RTL4: variants seen among roughly 807,000 people sequenced by gnomAD.
RTL4 encodes retrotransposon Gag-like protein 4.
RTL4 carries 4 observed loss-of-function variants against 5.3 expected under a neutral mutation model. The ratio of observed to expected loss-of-function variants is 0.75; its 90% CI spans 0.37 to 1.72. The LOEUF is 1.72. RTL4 is among the 40% of genes most tolerant of loss of function. RTL4 has a pLI of 0.04. For missense variants in RTL4, 260 were observed against 227.1 expected (o/e 1.14, Z -0.93); for synonymous variants, 98 against 87.3 (o/e 1.12, Z -0.68).
the RTL4 span, among the ~76,000 whole-genome samples, chrX:112,239,170 C>T: frequency 3.6e-5 from 4 of 111,168 alleles, no homozygotes; most frequent in African/African-American, 1.3e-4. Flanking sequence ...TTGGTTTCCT[C>T]CCTGGCCTAG....
At chrX:112,166,035 C>G in the RTL4 span, among the ~76,000 whole-genome samples, 2 of 112,212 alleles carry the variant, frequency 1.8e-5, no homozygotes. Context: ...CCTCCTCCAT[C>G]CAAAGGATCA....
At chrX:112,152,913 T>C in the RTL4 span, among the ~76,000 whole-genome samples, 5 of 111,661 alleles carry the variant, frequency 4.5e-5, no homozygotes, top group Non-Finnish European at 9.4e-5. Flanking sequence ...CATATCTCCA[T>C]AGGTTCTTAA....
chrX:112,272,944 C>G, the RTL4 span, among the ~76,000 whole-genome samples: 2 of 110,973 alleles, frequency 1.8e-5, no homozygotes, highest in Non-Finnish European at 3.8e-5. Context: ...AGCTATATAC[C>G]AAGGTGAAAT....
chrX:112,392,233 C>G, the RTL4 span, among the ~76,000 whole-genome samples: 1 of 112,235 alleles, frequency 8.9e-6, no homozygotes, highest in African/African-American at 3.2e-5. Context: ...GGCTCCATAG[C>G]TCTGGTGGAT....
At chrX:112,249,796 G>T in the RTL4 span, among the ~76,000 whole-genome samples, 1,226 of 106,295 alleles carry the variant, frequency 0.012, 9 homozygotes, top group African/African-American at 0.019. Context: ...TATATATAGA[G>T]AGAGAGAGAG....
At chrX:112,205,606 TACACAC>T in the RTL4 span, among the ~76,000 whole-genome samples, 158 of 107,635 alleles carry the variant, frequency 1.5e-3, no homozygotes, top group Non-Finnish European at 2.5e-3. Flanking sequence ...CGTGTGCATG[TACACAC>T]ACACACACAC....
At chrX:112,343,078 C>A in the RTL4 span, among the ~76,000 whole-genome samples, 1 of 111,628 alleles carries the variant, frequency 9.0e-6, no homozygotes, top group South Asian at 3.8e-4. Context: ...CCACTGCACT[C>A]CAGCGTGAGA....
At chrX:112,184,292 G>A in the RTL4 span, among the ~76,000 whole-genome samples, 5 of 110,289 alleles carry the variant, frequency 4.5e-5, no homozygotes, top group East Asian at 1.4e-3. Flanking sequence ...CATGGCACAT[G>A]TATACATATG....
At chrX:112,371,459 C>A in the RTL4 span, among the ~76,000 whole-genome samples, 86 of 111,322 alleles carry the variant, frequency 7.7e-4, no homozygotes, top group African/African-American at 2.7e-3. Context: ...CTAAGTTCTG[C>A]ATTTACTGGT....
At chrX:112,420,113 T>C in the RTL4 span, among the ~76,000 whole-genome samples, 4 of 111,204 alleles carry the variant, frequency 3.6e-5, no homozygotes, top group Non-Finnish European at 7.5e-5. Flanking sequence ...AACCCTGTTA[T>C]ATCTTCTTCC....
chrX:112,424,359 C>A, the RTL4 span, among the ~76,000 whole-genome samples: 1 of 111,591 alleles, frequency 9.0e-6, no homozygotes, highest in Non-Finnish European at 1.9e-5. Context: ...ATCTGATTAA[C>A]CTTCTGGACT....
chrX:112,204,687 T>A, the RTL4 span, among the ~76,000 whole-genome samples: 2,471 of 110,937 alleles, frequency 0.022, 69 homozygotes, highest in African/African-American at 0.077. Flanking sequence ...TAGTGAGGGG[T>A]TGCAAGGGAG....
the RTL4 span, among the ~76,000 whole-genome samples, chrX:112,236,436 T>G: frequency 2.5e-5 from 2 of 78,953 alleles, no homozygotes; most frequent in African/African-American, 1.1e-4. Context: ...TAGATATAGA[T>G]CTATATCTAT....
the RTL4 span, among the ~76,000 whole-genome samples, chrX:112,407,779 C>A: frequency 8.9e-6 from 1 of 112,770 alleles, no homozygotes; most frequent in Non-Finnish European, 1.9e-5. Flanking sequence ...TGTTACTCTA[C>A]CCCCAGCTCC....
the RTL4 span, among the ~76,000 whole-genome samples, chrX:112,310,764 ATAT>A: frequency 1.3e-5 from 1 of 79,494 alleles, no homozygotes; most frequent in African/African-American, 5.1e-5. Context: ...ATATATTTCA[ATAT>A]TATATATAAT....
the RTL4 span, among the ~76,000 whole-genome samples, chrX:112,132,333 T>C: frequency 9.0e-6 from 1 of 111,042 alleles, no homozygotes; most frequent in African/African-American, 3.3e-5. Context: ...TGCCATATCC[T>C]CAGTTTTCCC....
At chrX:112,097,560 T>C in the RTL4 span, among the ~76,000 whole-genome samples, 3 of 111,427 alleles carry the variant, frequency 2.7e-5, no homozygotes, top group Admixed American at 9.5e-5. Context: ...TGCTTGAGCC[T>C]GTCAGGTAGA....
chrX:112,238,426 A>G, the RTL4 span, among the ~76,000 whole-genome samples: 1 of 111,460 alleles, frequency 9.0e-6, no homozygotes, highest in Non-Finnish European at 1.9e-5. Flanking sequence ...CTTATGTTCC[A>G]TCTTAAAACT....
the RTL4 span, among the ~76,000 whole-genome samples, chrX:112,430,032 T>A: frequency 1.8e-5 from 2 of 111,577 alleles, no homozygotes; most frequent in East Asian, 5.6e-4. Flanking sequence ...TTTTCTGGCG[T>A]TTATCATGCT....
Sources: allele counts gnomAD v4.1 joint callset (sites outside exome capture counted in the v4.1 genomes callset), GRCh38; gene constraint gnomAD v4.1.1; transcripts MANE v1.5; gene names NCBI Gene and HGNC (gene_info 2026-07-23, HGNC 2026-07-21).